EYA3: variants seen among roughly 807,000 people sequenced by gnomAD.
The protein encoded by EYA3 is EYA transcriptional coactivator and phosphatase 3, also known as protein phosphatase EYA3.
Under a neutral mutation model 80.0 loss-of-function variants are expected in EYA3, and 39 were observed. The ratio of observed to expected loss-of-function variants is 0.49; its 90% confidence interval spans 0.38 to 0.64. EYA3 has a LOEUF of 0.64. EYA3 is among the 30% of genes least tolerant of loss of function. The pLI, the probability that EYA3 is intolerant of heterozygous loss-of-function variation, is 0.00. For synonymous variants in EYA3, 206 were observed against 232.8 expected, an observed-to-expected ratio of 0.88 and a Z score of 1.05; for missense variants, 523 against 676.1, an observed-to-expected ratio of 0.77 and a Z score of 2.51.
At chr1:28,016,921 A>C (rs1000877287) in intron 8 of EYA3, among the ~76,000 whole-genome samples, 1 of 152,234 alleles carries the variant, frequency 6.6e-6, no homozygotes, top group Admixed American at 6.5e-5. Context: ...AGACAAATAC[A>C]GTAAAGAAAC....
intron 6 of EYA3, among the ~76,000 whole-genome samples, chr1:28,030,025 C>T (rs1374309419): frequency 2.0e-5 from 3 of 152,146 alleles, no homozygotes; most frequent in East Asian, 1.9e-4. Context: ...GATATCAATA[C>T]TAAGGTTAGC....
At chr1:28,062,483 A>T (rs967104833) in intron 1 of EYA3, among the ~76,000 whole-genome samples, 1 of 152,220 alleles carries the variant, frequency 6.6e-6, no homozygotes, top group East Asian at 1.9e-4. Flanking sequence ...AATAATTAGT[A>T]ACAAATATTT....
chr1:28,062,657 G>GGGGTGTGTGTGTGTGTGTGTGTGT lies in EYA3; in HGVS notation c.-68-4564_-68-4563insACACACACACACACACACACACCC, dbSNP rs111612303. On this transcript the variant is annotated intron_variant, in intron 1 of 17. Transcript: ENST00000373871. ...TAGGAAGAGAAATTAAATATATGTA[G>GGGGTGTGTGTGTGTGTGTGTGTGT]GTGTGTGTGTGTGTGTGTGTGTGTG... 5.6e-5 allele frequency among the ~76,000 whole-genome samples: 8 copies of GGGGTGTGTGTGTGTGTGTGTGTGT among 141,626 alleles called. No individual in the cohort carries two copies. The South Asian group carries it at 1.4e-3, about 24-fold the overall frequency. 92.9% of individuals were successfully genotyped at this position (141,626 alleles called of 152,430 possible).
rs1167191387 is a variant in EYA3 at position 28,058,094 on chromosome 1, T to C, written c.-68A>G. On this transcript the variant is annotated splice_region_variant and 5_prime_UTR_variant, in exon 2 of 18. Coordinates refer to ENST00000373871, the MANE Select transcript of EYA3 (RefSeq NM_001990.4). ...AAGTCTCTCTCAGCAGTTTTCACAA[T>C]CTGTTTTTAAAAAGGAGGATTCAAA... 7.5e-7 allele frequency: 1 copy of C among 1,341,764 alleles called. No homozygotes were observed. The highest frequency in any genetic ancestry group is 1.4e-5 in the South Asian group (1 of 69,490). The allele number at this position is 1,341,764 out of a possible 1,614,324, so 83.1% of individuals were successfully genotyped here. A position where few individuals can be genotyped will look rare whatever the true frequency, so the allele number is the denominator to read the frequency against.
Position 28,027,845 on chromosome 1 carries a change from G to C in EYA3, c.443C>G (p.Thr148Ser). 3 of 1,614,168 alleles carry C rather than the reference G, an allele frequency of 1.9e-6. No individual in the cohort carries two copies. The highest frequency in any genetic ancestry group is 8.5e-7 in the Non-Finnish European group (1 of 1,180,030). ...TGGCTGGCTTGTGGTTAACCCTGTA[G>C]TGCAGGTAAGAACACTGTGTTGACT... is the stretch of plus-strand genomic sequence containing the variant. ...SPSQHSVLTCTTGLTTSQPSP... is the reference protein window; with the variant it reads ...SPSQHSVLTCSTGLTTSQPSP... The change falls in exon 7 of 18, where the codon ACT (threonine) becomes AGT (serine). Residue 148 changes from threonine (T) to serine (S), a missense_variant. Thr to Ser is a moderately conservative substitution (Grantham distance 58). This residue lies in a region of EYA3 where 304 missense variants were observed against 343.3 expected (regional missense o/e 0.89). Coordinates refer to ENST00000373871, the MANE Select transcript of EYA3 (RefSeq NM_001990.4).
At position 28,054,667 on chromosome 1, in the gene EYA3, T is replaced by G. The variant is rs368271231; in HGVS notation, c.33+3327A>C. The stretch of plus-strand genomic sequence containing the variant: ...TGAGCCCAGGAGTTCGAGACCAGCC[T>G]GGGTAACAGGGCAAAACCCCGTGTC... On this transcript the variant is annotated intron_variant, in intron 2 of 17. Coordinates refer to ENST00000373871, the MANE Select transcript of EYA3 (RefSeq NM_001990.4). Among the ~76,000 whole-genome samples, 9 of 152,274 alleles carry G rather than the reference T, an allele frequency of 5.9e-5. No homozygotes were observed. In the South Asian group the frequency reaches 8.3e-4, roughly 14 times the overall value.
intron 10 of EYA3, 74 bp from the exon 11 acceptor site, chr1:28,004,493 A>G: frequency 9.3e-7 from 1 of 1,074,654 alleles, no homozygotes; most frequent in South Asian, 1.4e-5. Flanking sequence ...CAATAACAGA[A>G]AGAGAACTGG....
chr1:27,984,525 T>C (rs1402728159), intron 16 of EYA3, among the ~76,000 whole-genome samples: 2 of 152,184 alleles, frequency 1.3e-5, no homozygotes, highest in African/African-American at 4.8e-5. Flanking sequence ...CTACCTGTAA[T>C]TTATTTTTGC....
At chr1:28,038,720 A>G in intron 5 of EYA3, 119 bp downstream of exon 5, 1 of 535,500 alleles carries the variant, frequency 1.9e-6, no homozygotes, top group Non-Finnish European at 3.2e-6. Flanking sequence ...GAATGACGAT[A>G]GAATAAGAGA....
chr1:28,050,906 G>C (rs1644223562), intron 2 of EYA3, among the ~76,000 whole-genome samples: 1 of 152,186 alleles, frequency 6.6e-6, no homozygotes, highest in South Asian at 2.1e-4. Flanking sequence ...AAGAGAAATA[G>C]CAAAGATTGA....
intron 7 of EYA3, among the ~76,000 whole-genome samples, chr1:28,020,551 T>A (rs768156782): frequency 3.3e-5 from 5 of 152,070 alleles, no homozygotes; most frequent in Non-Finnish European, 5.9e-5. Flanking sequence ...TAGGCTCTTA[T>A]AACCACCATA....
chr1:28,009,289 A>G lies in EYA3; in HGVS notation c.909+1658T>C, dbSNP rs1641518429. On this transcript the variant is annotated intron_variant, in intron 10 of 17. Transcript: ENST00000373871. This position sits in a 1 kb window ranked among gnomAD's most constrained non-coding sequence, Gnocchi z 4.8. Reference sequence around the variant, plus strand: ...GATAAACAAAATGTGGTATATACATATAATAAAATATTCAGACATAAAAAG... The same window carrying G: ...GATAAACAAAATGTGGTATATACATGTAATAAAATATTCAGACATAAAAAG... Among the ~76,000 whole-genome samples, 1 of 152,216 alleles carries G rather than the reference A, an allele frequency of 6.6e-6. No individual in the cohort carries two copies.
chr1:28,042,439 CA>C (rs1023242936), intron 4 of EYA3, 131 bp downstream of exon 4: 8 of 721,204 alleles, frequency 1.1e-5, no homozygotes, highest in Non-Finnish European at 1.9e-5. Context: ...TAAACACACA[CA>C]AAAACAAGGA....
chr1:28,039,951 T>C (rs1643683418), intron 4 of EYA3, among the ~76,000 whole-genome samples: 1 of 152,202 alleles, frequency 6.6e-6, no homozygotes, highest in Non-Finnish European at 1.5e-5. Flanking sequence ...TGGTTCTCAG[T>C]TGACACATAT....
intron 2 of EYA3, among the ~76,000 whole-genome samples, chr1:28,049,033 G>A (rs1046370002): frequency 1.3e-5 from 2 of 152,120 alleles, no homozygotes; most frequent in Non-Finnish European, 2.9e-5. Flanking sequence ...TCATATTACA[G>A]AGAATCTGAT....
chr1:27,977,148 T>G, intron 17 of EYA3: 3 of 1,425,110 alleles, frequency 2.1e-6, no homozygotes, highest in Admixed American at 5.5e-5. Context: ...CACTAGTGTC[T>G]TTCCCAAAGA....
At position 27,976,727 on chromosome 1, in the gene EYA3, G is replaced by GT. The variant is rs928959336; in HGVS notation, c.1641+1646dup. ...TTTCCAATTGGTATATACTTTGTTTGTTTTTTTTGAGACAGGGTCTTGTTC... is the reference window on the plus strand; with the variant it reads ...TTTCCAATTGGTATATACTTTGTTTGTTTTTTTTTGAGACAGGGTCTTGTTC... On this transcript the variant is annotated intron_variant, in intron 17 of 17. Coordinates refer to ENST00000373871, the MANE Select transcript of EYA3 (RefSeq NM_001990.4). Among the ~76,000 whole-genome samples, 4 of 151,686 alleles carry GT rather than the reference G, an allele frequency of 2.6e-5. No individual in the cohort carries two copies. The South Asian group carries it at 6.2e-4, about 24-fold the overall frequency.
intron 2 of EYA3, among the ~76,000 whole-genome samples, chr1:28,050,431 G>C (rs1644203724): frequency 1.3e-5 from 2 of 151,978 alleles, no homozygotes; most frequent in South Asian, 2.1e-4. Context: ...CGAACTCCTG[G>C]CCTCAAGTGA....
chr1:28,069,761 C>A (rs983006161), intron 1 of EYA3, among the ~76,000 whole-genome samples: 2 of 152,112 alleles, frequency 1.3e-5, no homozygotes, highest in Non-Finnish European at 2.9e-5. Context: ...ATACCCAGAT[C>A]CTGTGAATGT....
Sources: allele counts gnomAD v4.1 joint callset (sites outside exome capture counted in the v4.1 genomes callset), GRCh38; gene constraint gnomAD v4.1.1; regional missense constraint gnomAD v4.1.1; non-coding constraint Gnocchi (gnomAD v3.1); transcripts MANE v1.5; gene names NCBI Gene and HGNC (gene_info 2026-07-23, HGNC 2026-07-21).